Variants in DCAF6 observed in about 807,000 individuals in gnomAD.
DCAF6 encodes DDB1 and CUL4 associated factor 6, also known as DDB1- and CUL4-associated factor 6.
DCAF6 carries 54 observed loss-of-function variants against 125.1 expected under a neutral mutation model. The observed-to-expected ratio is 0.43, with a 90% CI of 0.35 to 0.54. The LOEUF (loss-of-function observed/expected upper bound fraction) is 0.54, where lower values mean the gene tolerates loss of function less well. Ranked by LOEUF, DCAF6 falls within the 20% of genes least tolerant of loss-of-function variation. The pLI, the probability that DCAF6 is intolerant of heterozygous loss-of-function variation, is 0.01. For missense variants in DCAF6, 934 were observed against 1,161.7 expected (o/e 0.80, Z 2.85); for synonymous variants, 371 against 390.4 (o/e 0.95, Z 0.58).
At chr1:168,067,927 T>C (rs1450128612) in intron 20 of DCAF6, among the ~76,000 whole-genome samples, 1 of 152,192 alleles carries the variant, frequency 6.6e-6, no homozygotes, top group Non-Finnish European at 1.5e-5. Context: ...AAGACTACTC[T>C]GCCTCAGTCA....
chr1:167,883,418 T>A, the DCAF6 span: 2 of 1,612,584 alleles, frequency 1.2e-6, no homozygotes, highest in South Asian at 2.2e-5. Flanking sequence ...TAGGTTCCCA[T>A]CCCATAGTTC....
At chr1:167,921,056 T>G in the DCAF6 span, among the ~76,000 whole-genome samples, 1 of 152,218 alleles carries the variant, frequency 6.6e-6, no homozygotes, top group Non-Finnish European at 1.5e-5. Flanking sequence ...CTTCCTTTGA[T>G]GTTTTCTGCC....
chr1:167,953,450 T>A (rs969615792), intron 2 of DCAF6, among the ~76,000 whole-genome samples: 3 of 152,302 alleles, frequency 2.0e-5, no homozygotes, highest in Admixed American at 2.0e-4. Flanking sequence ...TAGTCTACAC[T>A]TTTGCCCCCC....
the DCAF6 span, among the ~76,000 whole-genome samples, chr1:167,898,611 A>T: frequency 6.6e-6 from 1 of 151,968 alleles, no homozygotes; most frequent in African/African-American, 2.4e-5. Flanking sequence ...TTTTTTTAAA[A>T]AAAGAATGAT....
At chr1:167,936,669 T>C (rs1671264550), upstream of DCAF6, 3 of 453,518 alleles carry the variant, frequency 6.6e-6, no homozygotes, top group Admixed American at 1.3e-4. Flanking sequence ...GGGAGGAGAC[T>C]GTTGCTGATC....
intron 1 of DCAF6, among the ~76,000 whole-genome samples, chr1:167,943,887 G>A (rs1672652278): frequency 6.6e-6 from 1 of 152,052 alleles, no homozygotes; most frequent in Admixed American, 6.5e-5. Flanking sequence ...CGCCCAGGCT[G>A]TAGTGCAGTG....
chr1:168,046,867 A>G (rs1350602713), intron 16 of DCAF6, among the ~76,000 whole-genome samples: 1 of 152,102 alleles, frequency 6.6e-6, no homozygotes, highest in Non-Finnish European at 1.5e-5. Flanking sequence ...TTATTTTTCT[A>G]CATTTAAGTA....
the DCAF6 span, among the ~76,000 whole-genome samples, chr1:167,898,869 CA>C: frequency 1.3e-4 from 20 of 152,242 alleles, no homozygotes; most frequent in Admixed American, 6.5e-4. Flanking sequence ...ACCCTCAAAG[CA>C]CAGCTTTTTT....
At chr1:167,895,211 AGTATTAT>A in the DCAF6 span, among the ~76,000 whole-genome samples, 1 of 151,572 alleles carries the variant, frequency 6.6e-6, no homozygotes, top group Non-Finnish European at 1.5e-5. Flanking sequence ...ATTGCATTGC[AGTATTAT>A]GGTGCTCAAA....
intron 19 of DCAF6, 53 bp from the exon 20 acceptor site, chr1:168,066,324 T>A: frequency 8.3e-7 from 1 of 1,205,112 alleles, no homozygotes; most frequent in Non-Finnish European, 1.2e-6. Context: ...TATAAGCATA[T>A]CCTGAATTGC....
chr1:168,074,435 A>G (rs1693554061), intron 21 of DCAF6, among the ~76,000 whole-genome samples: 1 of 152,092 alleles, frequency 6.6e-6, no homozygotes. Context: ...CTTCTTCACA[A>G]TACCCTTATG....
At chr1:167,982,515 A>G (rs900024296) in intron 4 of DCAF6, among the ~76,000 whole-genome samples, 7 of 152,162 alleles carry the variant, frequency 4.6e-5, no homozygotes, top group African/African-American at 1.4e-4. Flanking sequence ...TGCTGAGATT[A>G]CAGGCATGAC....
At chr1:167,930,583 T>G in the DCAF6 span, among the ~76,000 whole-genome samples, 4 of 152,212 alleles carry the variant, frequency 2.6e-5, no homozygotes, top group African/African-American at 9.6e-5. Context: ...TATAGATTAT[T>G]AGCTGGAAAA....
At chr1:167,869,408 G>C in the DCAF6 span, among the ~76,000 whole-genome samples, 43 of 152,294 alleles carry the variant, frequency 2.8e-4, no homozygotes, top group African/African-American at 9.4e-4. Flanking sequence ...TAAAAAGTGA[G>C]AGTCTCAAAC....
chr1:168,021,078 A>G (rs1320109699), intron 11 of DCAF6, among the ~76,000 whole-genome samples: 2 of 152,160 alleles, frequency 1.3e-5, no homozygotes, highest in African/African-American at 4.8e-5. Context: ...GAGTTTGAAA[A>G]TAGTTTTGTA....
At chr1:167,909,729 C>G in the DCAF6 span, among the ~76,000 whole-genome samples, 224 of 152,266 alleles carry the variant, frequency 1.5e-3, 1 homozygote, top group Admixed American at 2.6e-3. Flanking sequence ...CTTACACTCC[C>G]TCAGGCAAGG....
rs35185748 is a variant in DCAF6, at chr1:168,007,962, C to CTTT, written c.1378+3194_1378+3196dup. Among the ~76,000 whole-genome samples the CTTT allele has an allele frequency of 5.6e-3, 381 of 67,476 alleles. 51 individuals carry two copies. The highest frequency in any genetic ancestry group is 5.9e-3 in the Non-Finnish European group (246 of 41,506). 44.3% of individuals were successfully genotyped at this position (67,476 alleles called of 152,430 possible). ...GTATGTTTTTGTTATTGTTGTACAT[C>CTTT]TTTTTTTTTTTTTTTTTTTTTTTTT... On this transcript the variant is annotated intron_variant, in intron 10 of 21. Coordinates refer to ENST00000367840, the MANE Select transcript of DCAF6 (RefSeq NM_001198956.2).
At chr1:167,950,695 C>T (rs1673790874) in intron 1 of DCAF6, among the ~76,000 whole-genome samples, 1 of 152,170 alleles carries the variant, frequency 6.6e-6, no homozygotes, top group Non-Finnish European at 1.5e-5. Context: ...GAGATCTCAT[C>T]AGCCTGATTA....
At chr1:167,941,832 A>C (rs1389052018) in intron 1 of DCAF6, among the ~76,000 whole-genome samples, 2 of 152,208 alleles carry the variant, frequency 1.3e-5, no homozygotes, top group Admixed American at 6.5e-5. Context: ...AGGGTCGAAC[A>C]CTTTTAAATA....
Sources: gnomAD v4.1 joint callset for allele counts (sites outside exome capture counted in the v4.1 genomes callset) on GRCh38, gnomAD v4.1.1 for gene constraint, MANE v1.5 for transcripts, NCBI Gene and HGNC (gene_info 2026-07-23, HGNC 2026-07-21) for gene names.